The following HABP4 variants were observed in gnomAD, a reference collection of about 807,000 sequenced individuals.
The protein encoded by HABP4 is hyaluronan binding protein 4.
In HABP4, 32 loss-of-function variants were observed where a neutral mutation model predicts 44.1. The observed-to-expected ratio is 0.73, with a 90% CI of 0.55 to 0.97. The LOEUF is 0.97. Ranked by LOEUF, HABP4 falls within the 50% of genes least tolerant of loss-of-function variation. The probability of loss-of-function intolerance (pLI) is 0.00; values close to 1 mark genes in which losing one functional copy is unlikely to be tolerated. For missense variants in HABP4, 503 were observed against 561.9 expected (o/e 0.90, Z 1.06); for synonymous variants, 216 against 218.0 (o/e 0.99, Z 0.08).
Position 96,450,339 on chromosome 9 carries a change from C to A in HABP4, c.60C>A (p.Phe20Leu). 2 of 1,290,444 alleles carry A rather than the reference C, an allele frequency of 1.5e-6. No individual in the cohort carries two copies. The highest frequency in any genetic ancestry group is 2.5e-5 in the Admixed American group (1 of 40,538). 79.9% of individuals were successfully genotyped at this position (1,290,444 alleles called of 1,614,324 possible). Residue 20 changes from phenylalanine to leucine, a missense_variant, in exon 1 of 8, where the codon TTC becomes TTA. This residue lies in a region of HABP4 where 290 missense variants were observed against 300.5 expected (regional missense o/e 0.97). Transcript: ENST00000375249. The surrounding 1 kb of genome is among the most constrained non-coding windows in gnomAD (Gnocchi z 4.8). ...AAAGAAMQES[F>L]GCVVANRFHQ... Reference sequence around the variant, plus strand: ...CTGGCGCCGCGATGCAGGAGAGTTTCGGCTGCGTGGTGGCCAACCGCTTCC... The same window carrying A: ...CTGGCGCCGCGATGCAGGAGAGTTTAGGCTGCGTGGTGGCCAACCGCTTCC...
chr9:96,476,752 T>G lies in HABP4; in HGVS notation c.827+5658T>G, dbSNP rs531643177. On this transcript the variant is annotated intron_variant, in intron 5 of 7. Transcript: ENST00000375249. ...GGTATGCGTCACAGGATTGTCATAGTGTGTGTTTGCTAATAACTTTTAGTG... is the reference window on the plus strand; with the variant it reads ...GGTATGCGTCACAGGATTGTCATAGGGTGTGTTTGCTAATAACTTTTAGTG... Among the ~76,000 whole-genome samples the G allele has an allele frequency of 1.0e-3, 157 of 152,316 alleles. 1 individual carries two copies. Among genetic ancestry groups the G allele is most frequent in the Admixed American group, 1.2e-3 (19 of 15,302 alleles).
In HABP4 at chr9:96,457,966, A is replaced by C. The variant is rs1254792183; in HGVS notation, c.350-413A>C. On this transcript the variant is annotated intron_variant, in intron 1 of 7. Coordinates refer to ENST00000375249, the MANE Select transcript of HABP4 (RefSeq NM_014282.4). ...AAGCCATAGTTGCTATGTAATGTGC[A>C]GTTGGGATTCTAAAAGTACAGTCTG... Among the ~76,000 whole-genome samples, 3 of 152,242 alleles carry C rather than the reference A, an allele frequency of 2.0e-5. No homozygotes were observed. The East Asian group carries it at 5.8e-4, about 29-fold the overall frequency.
intron 2 of HABP4, among the ~76,000 whole-genome samples, chr9:96,463,909 T>A (rs1007738699): frequency 2.0e-5 from 3 of 152,222 alleles, no homozygotes; most frequent in African/African-American, 7.2e-5. Context: ...ATTAAATAAG[T>A]AATTTCTTGT....
chr9:96,486,789 G>A (rs1832983205), intron 6 of HABP4, among the ~76,000 whole-genome samples: 2 of 152,050 alleles, frequency 1.3e-5, no homozygotes, highest in Admixed American at 6.5e-5. Context: ...CCTCGCGTAA[G>A]GCACTGGGCG....
At chr9:96,456,990 C>G (rs1386049145) in intron 1 of HABP4, among the ~76,000 whole-genome samples, 1 of 151,372 alleles carries the variant, frequency 6.6e-6, no homozygotes, top group East Asian at 1.9e-4. Flanking sequence ...TGACAAAGTT[C>G]TCCACAATGT....
At chr9:96,462,019 G>A (rs571681973) in intron 2 of HABP4, among the ~76,000 whole-genome samples, 41 of 151,730 alleles carry the variant, frequency 2.7e-4, no homozygotes, top group Non-Finnish European at 5.4e-4. Context: ...AGTGGGGTGC[G>A]CCTGTAATCC....
chr9:96,454,301 A>G (rs960019373), intron 1 of HABP4, among the ~76,000 whole-genome samples: 1 of 152,208 alleles, frequency 6.6e-6, no homozygotes, highest in Non-Finnish European at 1.5e-5. Context: ...CGCTGGGGTA[A>G]AAGTATGGAA....
In HABP4 at chr9:96,491,155, C is replaced by G. The variant is rs1833089301; in HGVS notation, c.*1117C>G. 6.6e-6 allele frequency: 1 copy of G among 152,260 alleles called. No homozygotes were observed. Among genetic ancestry groups the G allele is most frequent in the African/African-American group, 2.4e-5 (1 of 41,468 alleles). 9.4% of individuals were successfully genotyped at this position (152,260 alleles called of 1,614,324 possible). A position where few individuals can be genotyped will look rare whatever the true frequency, so the allele number is the denominator to read the frequency against. On this transcript the variant is annotated 3_prime_UTR_variant, in exon 8 of 8. Transcript: ENST00000375249. The stretch of plus-strand genomic sequence containing the variant: ...AGCTGCTAGAAGCTGGGGTGTTGCT[C>G]TCCCCGCTTTCTCATAGACACAGAG...
In HABP4 at chr9:96,488,182, C is replaced by T. The variant is rs563461464; in HGVS notation, c.1093C>T (p.Pro365Ser). The T allele has an allele frequency of 1.2e-6, 2 of 1,613,604 alleles. No homozygotes were observed. Among genetic ancestry groups the T allele is most frequent in the South Asian group, 1.1e-5 (1 of 91,076 alleles). Residue 365 changes from proline (P) to serine (S), a missense_variant, in exon 7 of 8, where the codon CCT becomes TCT. Pro to Ser is a moderately conservative substitution (Grantham distance 74). This residue lies in a region of HABP4 where 82 missense variants were observed against 71.6 expected (regional missense o/e 1.15). Transcript: ENST00000375249. This position sits in a 1 kb window ranked among gnomAD's most constrained non-coding sequence, Gnocchi z 4.6. ...SQLEINFGNL[P>S]RPGRGARGGT... ...GCTGGAGATTAATTTTGGTAACCTC[C>T]CTCGTCCTGGGCGTGGAGCCAGAGG...
chr9:96,450,414 C>T lies in HABP4; in HGVS notation c.135C>T (p.Ala45=). ...ACCCGTTCGACATCCTGCGCGAGGC[C>T]GAGCGCCGGCGCCAGCAGCAGCTGC... is the stretch of plus-strand genomic sequence containing the variant. ...ESDPFDILRE[A]ERRRQQQLQR... The change falls in exon 1 of 8, where the codon GCC becomes GCT. Residue 45 remains alanine, a synonymous_variant. Transcript: ENST00000375249. The surrounding 1 kb of genome is among the most constrained non-coding windows in gnomAD (Gnocchi z 4.8). The T allele has an allele frequency of 7.6e-7, 1 of 1,324,128 alleles. No individual in the cohort carries two copies. Among genetic ancestry groups the T allele is most frequent in the Non-Finnish European group, 9.8e-7 (1 of 1,022,044 alleles). The allele number at this position is 1,324,128 out of a possible 1,614,324, so 82.0% of individuals were successfully genotyped here. A position where few individuals can be genotyped will look rare whatever the true frequency, so the allele number is the denominator to read the frequency against.
At chr9:96,486,289 C>T (rs886447286) in intron 6 of HABP4, among the ~76,000 whole-genome samples, 3 of 152,212 alleles carry the variant, frequency 2.0e-5, no homozygotes, top group Non-Finnish European at 4.4e-5. Context: ...AGCTGTTCCA[C>T]AAGAAATGGC....
At chr9:96,464,343 C>T (rs559064854) in intron 2 of HABP4, among the ~76,000 whole-genome samples, 1 of 152,296 alleles carries the variant, frequency 6.6e-6, no homozygotes, top group South Asian at 2.1e-4. Context: ...TGCCACTGCA[C>T]TCCAGCCTGG....
chr9:96,470,428 C>A (rs545532355), intron 4 of HABP4, among the ~76,000 whole-genome samples: 1 of 152,124 alleles, frequency 6.6e-6, no homozygotes, highest in East Asian at 1.9e-4. Context: ...ACCCTGCCGG[C>A]CTGGAACCTT....
intron 2 of HABP4, 119 bp downstream of exon 2, chr9:96,458,660 G>C (rs1165728753): frequency 1.5e-6 from 1 of 667,052 alleles, no homozygotes; most frequent in Non-Finnish European, 2.4e-6. Flanking sequence ...TTTCGCTCTT[G>C]TCGCCCAGGC....
At chr9:96,466,755 T>C (rs917982995) in intron 4 of HABP4, among the ~76,000 whole-genome samples, 4 of 152,100 alleles carry the variant, frequency 2.6e-5, no homozygotes, top group African/African-American at 9.7e-5. Flanking sequence ...TTCTGCTCTG[T>C]TTTATTTCAC....
intron 5 of HABP4, among the ~76,000 whole-genome samples, chr9:96,481,683 G>A (rs1229740197): frequency 3.3e-5 from 5 of 152,002 alleles, no homozygotes; most frequent in Non-Finnish European, 5.9e-5. Context: ...GAGGTTGAAG[G>A]TATGGTGAGC....
intron 1 of HABP4, among the ~76,000 whole-genome samples, chr9:96,453,919 A>G (rs1261526624): frequency 6.6e-6 from 1 of 152,092 alleles, no homozygotes; most frequent in African/African-American, 2.4e-5. Context: ...GTTTTGGGAG[A>G]GTTGGGAAGG....
intron 2 of HABP4, among the ~76,000 whole-genome samples, chr9:96,463,530 C>T: frequency 6.6e-6 from 1 of 152,212 alleles, no homozygotes; most frequent in Non-Finnish European, 1.5e-5. Context: ...GCTGGGATTA[C>T]AGGCGTGAGC....
chr9:96,488,954 G>A lies in HABP4; in HGVS notation c.1185+680G>A, dbSNP rs553582538. On this transcript the variant is annotated intron_variant, in intron 7 of 7. Coordinates refer to ENST00000375249, the MANE Select transcript of HABP4 (RefSeq NM_014282.4). The surrounding 1 kb of genome is among the most constrained non-coding windows in gnomAD (Gnocchi z 4.6). ...TCAGCGGCTGCTTTTGCTCATTACC[G>A]GTTTACGCAGTGCCACGCAGTGCCT... Among the ~76,000 whole-genome samples the A allele has an allele frequency of 1.1e-4, 16 of 152,220 alleles. No individual in the cohort carries two copies. The highest frequency in any genetic ancestry group is 3.9e-4 in the East Asian group (2 of 5,168).
Sources: gnomAD v4.1 joint callset for allele counts (sites outside exome capture counted in the v4.1 genomes callset) on GRCh38, gnomAD v4.1.1 for gene constraint, gnomAD v4.1.1 regional missense constraint, Gnocchi (gnomAD v3.1) non-coding constraint, MANE v1.5 for transcripts, NCBI Gene and HGNC (gene_info 2026-07-23, HGNC 2026-07-21) for gene names.